VAX2: variants seen among roughly 807,000 people sequenced by gnomAD.
The protein encoded by VAX2 is ventral anterior homeobox 2.
VAX2 carries 8 observed loss-of-function variants against 12.5 expected under a neutral mutation model. The ratio of observed to expected loss-of-function variants is 0.64; its 90% CI spans 0.37 to 1.15. The LOEUF (loss-of-function observed/expected upper bound fraction) is 1.15. VAX2 is among the 50% of genes most tolerant of loss of function. The pLI, the probability that VAX2 is intolerant of heterozygous loss-of-function variation, is 0.01. For missense variants in VAX2, 476 were observed against 412.9 expected, an observed-to-expected ratio of 1.15 and a Z score of -1.32; for synonymous variants, 183 against 187.6, an observed-to-expected ratio of 0.98 and a Z score of 0.20.
chr2:70,901,372 T>A (rs1678920526), intron 1 of VAX2, among the ~76,000 whole-genome samples: 2 of 152,198 alleles, frequency 1.3e-5, no homozygotes, highest in African/African-American at 4.8e-5. Context: ...CCCGCACGGA[T>A]TGCCCAGGGG....
chr2:70,922,664 C>G (rs532985581), intron 2 of VAX2, among the ~76,000 whole-genome samples: 8 of 147,614 alleles, frequency 5.4e-5, no homozygotes, highest in African/African-American at 2.0e-4. Flanking sequence ...AGGGGCAGGC[C>G]GGGAGGAGGG....
At chr2:70,912,586 C>T (rs1679212540) in intron 1 of VAX2, among the ~76,000 whole-genome samples, 3 of 152,104 alleles carry the variant, frequency 2.0e-5, no homozygotes, top group South Asian at 2.1e-4. Flanking sequence ...CGCTTGAACC[C>T]GGGAGGCGGA....
At chr2:70,925,688 C>T (rs1679555340) in intron 2 of VAX2, among the ~76,000 whole-genome samples, 1 of 152,034 alleles carries the variant, frequency 6.6e-6, no homozygotes, top group African/African-American at 2.4e-5. Flanking sequence ...GGATGGACTC[C>T]CCAGGGATTA....
Position 70,915,119 on chromosome 2 carries a change from AT to A in VAX2, c.248-5969del, listed in dbSNP as rs35382480. 2.6e-4 allele frequency among the ~76,000 whole-genome samples: 38 copies of A among 147,748 alleles called. 1 individual carries two copies. The highest frequency in any genetic ancestry group is 6.0e-4 in the East Asian group (3 of 4,990). ...ACCAGCCTCTTTGACTCTTAAATGT[AT>A]TTTTTTTTTCAAATCTGTTTCTTGT... On this transcript the variant is annotated intron_variant, in intron 1 of 2. Transcript: ENST00000234392.
intron 2 of VAX2, among the ~76,000 whole-genome samples, chr2:70,923,592 G>A (rs1286028087): frequency 1.3e-5 from 2 of 152,152 alleles, no homozygotes; most frequent in African/African-American, 4.8e-5. Flanking sequence ...TAAAACCGGG[G>A]GCTCCCACAT....
At chr2:70,914,380 C>A (rs578208601) in intron 1 of VAX2, among the ~76,000 whole-genome samples, 1 of 152,216 alleles carries the variant, frequency 6.6e-6, no homozygotes, top group Admixed American at 6.5e-5. Flanking sequence ...ACCCGGGAGG[C>A]GGAGGCTGCA....
chr2:70,913,624 C>A (rs900765951), intron 1 of VAX2, among the ~76,000 whole-genome samples: 1 of 151,914 alleles, frequency 6.6e-6, no homozygotes, highest in African/African-American at 2.4e-5. Flanking sequence ...TGCCGTGAGC[C>A]AAGATCACGC....
In VAX2 at chr2:70,932,856, G is replaced by T. The variant is rs782501912; in HGVS notation, c.525G>T (p.Glu175Asp). The T allele has an allele frequency of 2.8e-5, 45 of 1,613,410 alleles. No individual in the cohort carries two copies. Among genetic ancestry groups the T allele is most frequent in the Non-Finnish European group, 3.7e-5 (44 of 1,179,932 alleles). Residue 175 changes from glutamate (E) to aspartate (D), a missense_variant, in exon 3 of 3, where the codon GAG becomes GAT. Physicochemically the swap from Glu to Asp is conservative, Grantham distance 45. Coordinates refer to ENST00000234392, the MANE Select transcript of VAX2 (RefSeq NM_012476.3). ...AGCGGGCGTCCTCCTCAGCCTCCGA[G>T]GCCTTTGCCACCTCCAACATTCTGC... ...LEKRASSSAS[E>D]AFATSNILRL... is the part of the protein sequence containing the mutation.
chr2:70,933,026 T>A lies in VAX2; in HGVS notation c.695T>A (p.Leu232Gln). ...PRNSSPRLNP[L>Q]SSASASPPLP... Reference sequence around the variant, plus strand: ...AACTCCTCCCCACGCCTCAACCCGCTGTCCTCGGCCTCAGCGTCCCCCCCA... The same window carrying A: ...AACTCCTCCCCACGCCTCAACCCGCAGTCCTCGGCCTCAGCGTCCCCCCCA... The change falls in exon 3 of 3, where the codon CTG becomes CAG. Residue 232 changes from leucine (L) to glutamine (Q), a missense_variant. Transcript: ENST00000234392. 6.3e-7 allele frequency: 1 copy of A among 1,598,112 alleles called. No homozygotes were observed. Among genetic ancestry groups the A allele is most frequent in the Non-Finnish European group, 8.5e-7 (1 of 1,171,786 alleles).
chr2:70,911,615 G>A (rs1679186641), intron 1 of VAX2, among the ~76,000 whole-genome samples: 1 of 152,192 alleles, frequency 6.6e-6, no homozygotes, highest in African/African-American at 2.4e-5. Flanking sequence ...TTCCAAATCT[G>A]ATAGATAAAA....
intron 2 of VAX2, among the ~76,000 whole-genome samples, chr2:70,928,656 C>G (rs1553413879): frequency 6.6e-6 from 1 of 152,136 alleles, no homozygotes; most frequent in African/African-American, 2.4e-5. Context: ...TCTGTCACAC[C>G]CCATTACTGC....
chr2:70,918,104 G>A (rs1156523936), intron 1 of VAX2, among the ~76,000 whole-genome samples: 1 of 152,228 alleles, frequency 6.6e-6, no homozygotes, highest in Non-Finnish European at 1.5e-5. Context: ...GTTGTCCTAA[G>A]AGGCCTGTAG....
At chr2:70,927,318 G>C (rs1306895842) in intron 2 of VAX2, among the ~76,000 whole-genome samples, 2 of 151,854 alleles carry the variant, frequency 1.3e-5, no homozygotes, top group East Asian at 3.9e-4. Context: ...AGGGCCAGGA[G>C]CCCAGGAGCC....
intron 1 of VAX2, among the ~76,000 whole-genome samples, chr2:70,912,491 G>A (rs1391583159): frequency 3.3e-5 from 5 of 152,108 alleles, no homozygotes; most frequent in South Asian, 2.1e-4. Context: ...GCGAAACCCC[G>A]TCCCTACTAA....
chr2:70,924,906 G>C (rs1679534832), intron 2 of VAX2, among the ~76,000 whole-genome samples: 2 of 152,148 alleles, frequency 1.3e-5, no homozygotes, highest in Admixed American at 6.5e-5. Context: ...TCATAGGAGA[G>C]AGACTAAAAG....
At chr2:70,920,492 C>G (rs1572894612) in intron 1 of VAX2, among the ~76,000 whole-genome samples, 1 of 152,110 alleles carries the variant, frequency 6.6e-6, no homozygotes, top group African/African-American at 2.4e-5. Context: ...CATCCAGCAG[C>G]CTGATATGGT....
chr2:70,911,513 T>C (rs1553411233), intron 1 of VAX2, among the ~76,000 whole-genome samples: 1 of 152,216 alleles, frequency 6.6e-6, no homozygotes, highest in Non-Finnish European at 1.5e-5. Flanking sequence ...CTAGGCATTA[T>C]TCCTCTTCAA....
At chr2:70,906,277 C>T (rs1553410577) in intron 1 of VAX2, among the ~76,000 whole-genome samples, 1 of 152,196 alleles carries the variant, frequency 6.6e-6, no homozygotes, top group Non-Finnish European at 1.5e-5. Flanking sequence ...GGTTCTCCCA[C>T]TGTTGGTGGA....
Position 70,900,888 on chromosome 2 carries a change from C to T in VAX2, c.247+20C>T. ...TGCGAGGTAAGGGGACAGCCCGCGG[C>T]CCTGCTCCACTGGACCCTCACCCTA... On this transcript the variant is annotated intron_variant, in intron 1 of 2. Coordinates refer to ENST00000234392, the MANE Select transcript of VAX2 (RefSeq NM_012476.3). 1 of 1,361,484 alleles carries T rather than the reference C, an allele frequency of 7.3e-7. No individual in the cohort carries two copies. The allele number at this position is 1,361,484 out of a possible 1,614,324, so 84.3% of individuals were successfully genotyped here. A position where few individuals can be genotyped will look rare whatever the true frequency, so the allele number is the denominator to read the frequency against.
Sources: gnomAD v4.1 joint callset for allele counts (sites outside exome capture counted in the v4.1 genomes callset) on GRCh38, gnomAD v4.1.1 for gene constraint, MANE v1.5 for transcripts, NCBI Gene and HGNC (gene_info 2026-07-23, HGNC 2026-07-21) for gene names.